Variants in CLIP1 observed in about 807,000 individuals in gnomAD.
CLIP1 encodes CAP-Gly domain containing linker protein 1.
Under a neutral mutation model 161.6 loss-of-function variants are expected in CLIP1, and 66 were observed. That is an observed-to-expected ratio of 0.41 (90% CI 0.33 to 0.50). The LOEUF (loss-of-function observed/expected upper bound fraction) is 0.50. Among genes scored for constraint, CLIP1 ranks in the 20% least tolerant of loss-of-function variants. The pLI is 0.27. For missense variants in CLIP1, 1,376 were observed against 1,702.0 expected (o/e 0.81, Z 3.37); for synonymous variants, 598 against 626.2 (o/e 0.96, Z 0.67).
chr12:122,365,290 T>A, intron 3 of CLIP1: 1 of 762,778 alleles, frequency 1.3e-6, no homozygotes, highest in Non-Finnish European at 2.4e-6. Context: ...ATCAAAGGAA[T>A]GCGTACTGTT....
intron 1 of CLIP1, among the ~76,000 whole-genome samples, chr12:122,382,565 G>C (rs1955057493): frequency 1.3e-5 from 2 of 151,680 alleles, no homozygotes; most frequent in African/African-American, 4.8e-5. Flanking sequence ...CAGAGGCAGA[G>C]GTCAGGCATG....
intron 1 of CLIP1, among the ~76,000 whole-genome samples, chr12:122,387,590 A>ATATATTTTT (rs1955380250): frequency 3.2e-4 from 2 of 6,274 alleles, no homozygotes; most frequent in African/African-American, 6.8e-4. Context: ...ATATATATAT[A>ATATATTTTT]TTTTTTTTTT....
intron 15 of CLIP1, among the ~76,000 whole-genome samples, chr12:122,330,597 G>GTTTTTTTTTTTTTGTTTTTTGT (rs1555265518): frequency 3.9e-5 from 4 of 101,382 alleles, no homozygotes; most frequent in African/African-American, 1.8e-4. Flanking sequence ...GTATAATGCA[G>GTTTTTTTTTTTTTGTTTTTTGT]TTTTTTTTTT....
chr12:122,383,019 A>C (rs1186177038), intron 1 of CLIP1, among the ~76,000 whole-genome samples: 3 of 152,178 alleles, frequency 2.0e-5, no homozygotes, highest in Admixed American at 6.6e-5. Context: ...CTGCTGCCTC[A>C]GACAGATAGA....
At chr12:122,286,596 G>A (rs1444062326) in intron 21 of CLIP1, among the ~76,000 whole-genome samples, 7 of 142,818 alleles carry the variant, frequency 4.9e-5, no homozygotes, top group East Asian at 2.1e-4. Flanking sequence ...TGAAACACAC[G>A]CGCATTCTGA....
chr12:122,280,841 C>T (rs1402943255), intron 21 of CLIP1: 1 of 152,196 alleles, frequency 6.6e-6, no homozygotes, highest in African/African-American at 2.4e-5. Flanking sequence ...GCCATATGAC[C>T]TAAGACACTA....
At chr12:122,360,585 GAC>G (rs1953728817) in intron 5 of CLIP1, among the ~76,000 whole-genome samples, 1 of 152,000 alleles carries the variant, frequency 6.6e-6, no homozygotes, top group African/African-American at 2.4e-5. Flanking sequence ...GAGAGGGAGA[GAC>G]AGATCTATGG....
At chr12:122,345,407 T>C (rs1273644900) in intron 10 of CLIP1, among the ~76,000 whole-genome samples, 1 of 152,044 alleles carries the variant, frequency 6.6e-6, no homozygotes, top group East Asian at 1.9e-4. Flanking sequence ...GTGATCCTCC[T>C]GCCTTGGCCT....
At chr12:122,396,162 A>C (rs1490892378) in intron 1 of CLIP1, among the ~76,000 whole-genome samples, 1 of 152,136 alleles carries the variant, frequency 6.6e-6, no homozygotes, top group African/African-American at 2.4e-5. Flanking sequence ...AGTAGAAAAT[A>C]AATCATAAAC....
Position 122,354,713 on chromosome 12 carries a change from C to T in CLIP1, c.1204-157G>A, listed in dbSNP as rs568240862. ...CTCTATTTTAATAGGTTATTCTCAA[C>T]AGCTTTCCTGGAAGATAGATGATGA... is the stretch of plus-strand genomic sequence containing the variant. On this transcript the variant is annotated intron_variant, in intron 6 of 25. Coordinates refer to ENST00000620786, the MANE Select transcript of CLIP1 (RefSeq NM_001247997.2). 17 of 605,498 alleles carry T rather than the reference C, an allele frequency of 2.8e-5. No individual in the cohort carries two copies. In the African/African-American group the frequency reaches 3.0e-4, roughly 11 times the overall value. The allele number at this position is 605,498 out of a possible 1,614,324, so 37.5% of individuals were successfully genotyped here.
Position 122,339,225 on chromosome 12 carries a change from A to G in CLIP1, c.2451+1528T>C, listed in dbSNP as rs76154939. 3.3e-4 allele frequency among the ~76,000 whole-genome samples: 51 copies of G among 152,332 alleles called. No homozygotes were observed. The East Asian group carries it at 8.7e-3, about 26-fold the overall frequency. On this transcript the variant is annotated intron_variant, in intron 11 of 25. Transcript: ENST00000620786. ...TATTTCCCCCAGAAAAGGAGGGGAC[A>G]GATCATGTTCTCATTATGCCACAGA...
At position 122,334,997 on chromosome 12, in the gene CLIP1, G is replaced by A. The variant is rs192241009; in HGVS notation, c.2569-292C>T. ...TACTTAGGTAAGTACATGCATGTGC[G>A]TGTATACATAGGGTGCACGTGCATG... On this transcript the variant is annotated intron_variant, in intron 12 of 25. Coordinates refer to ENST00000620786, the MANE Select transcript of CLIP1 (RefSeq NM_001247997.2). Among the ~76,000 whole-genome samples the A allele has an allele frequency of 9.8e-5, 15 of 152,288 alleles. No homozygotes were observed. The East Asian group carries it at 2.7e-3, about 27-fold the overall frequency.
Position 122,309,871 on chromosome 12 carries a change from T to C in CLIP1, c.3485A>G (p.Lys1162Arg). 1 of 1,614,140 alleles carries C rather than the reference T, an allele frequency of 6.2e-7. No individual in the cohort carries two copies. Among genetic ancestry groups the C allele is most frequent in the Non-Finnish European group, 8.5e-7 (1 of 1,180,018 alleles). ...CTGGGACTTCTGAGCTGCTGCCTGC[T>C]TTAGGGTTTCTCTGCAAGGACAGTG... ...EEFRKEIETL[K>R]QAAAQKSQQL... The change falls in exon 20 of 26, where the codon AAG becomes AGG. Residue 1162 changes from lysine to arginine, a missense_variant. Lys to Arg is a conservative substitution (Grantham distance 26). This residue lies in a region of CLIP1 where 948 missense variants were observed against 1,134.8 expected (regional missense o/e 0.84). Transcript: ENST00000620786.
rs541631790 is a variant in CLIP1, at chr12:122,366,239, G to A, written c.658-2132C>T. 3.6e-4 allele frequency among the ~76,000 whole-genome samples: 55 copies of A among 151,190 alleles called. 1 individual carries two copies. In the Middle Eastern group the frequency reaches 0.014, roughly 38 times the overall value. ...CAAGAATAACTTGCACCCGGGAAGC[G>A]GAGGTTGCAATGATCCAAGATCACA... is the stretch of plus-strand genomic sequence containing the variant. On this transcript the variant is annotated intron_variant, in intron 3 of 25. Coordinates refer to ENST00000620786, the MANE Select transcript of CLIP1 (RefSeq NM_001247997.2).
chr12:122,306,742 T>G (rs1950887663), intron 20 of CLIP1, among the ~76,000 whole-genome samples: 1 of 151,820 alleles, frequency 6.6e-6, no homozygotes, highest in African/African-American at 2.4e-5. Flanking sequence ...ATGCACTGGG[T>G]TTTCTAAGCA....
intron 3 of CLIP1, among the ~76,000 whole-genome samples, chr12:122,370,226 AGAGT>A (rs2136687927): frequency 1.3e-5 from 2 of 148,310 alleles, no homozygotes; most frequent in East Asian, 4.2e-4. Flanking sequence ...TAGCTGAAGC[AGAGT>A]GAGAAAGGGG....
At chr12:122,416,461 C>T (rs1368757743) in intron 1 of CLIP1, among the ~76,000 whole-genome samples, 1 of 152,058 alleles carries the variant, frequency 6.6e-6, no homozygotes, top group Non-Finnish European at 1.5e-5. Context: ...TCATCAAAAT[C>T]ATTAATAACA....
intron 1 of CLIP1, among the ~76,000 whole-genome samples, chr12:122,394,653 C>T (rs1256165304): frequency 1.3e-5 from 2 of 151,524 alleles, no homozygotes. Context: ...TTTGGGAGGC[C>T]GAGGTGGACG....
At chr12:122,334,758 C>A (rs1207052794) in intron 12 of CLIP1, 53 bp from the exon 13 acceptor site, 6 of 1,146,506 alleles carry the variant, frequency 5.2e-6, no homozygotes, top group African/African-American at 4.6e-5. Flanking sequence ...ATTGTAAAGA[C>A]AAGAAGTTTC....
Sources: allele counts gnomAD v4.1 joint callset (sites outside exome capture counted in the v4.1 genomes callset), GRCh38; gene constraint gnomAD v4.1.1; regional missense constraint gnomAD v4.1.1; transcripts MANE v1.5; gene names NCBI Gene and HGNC (gene_info 2026-07-23, HGNC 2026-07-21).